PLEKHM1: variants seen among roughly 807,000 people sequenced by gnomAD.
PLEKHM1 encodes pleckstrin homology domain-containing family M member 1.
PLEKHM1 carries 28 observed loss-of-function variants against 94.3 expected under a neutral mutation model. The observed-to-expected ratio is 0.30, with a 90% confidence interval of 0.22 to 0.41. PLEKHM1 has a LOEUF of 0.41. Ranked by LOEUF, PLEKHM1 falls within the 10% of genes least tolerant of loss-of-function variation. The probability of loss-of-function intolerance (pLI) is 1.00; values close to 1 mark genes in which losing one functional copy is unlikely to be tolerated. For synonymous variants in PLEKHM1, 424 were observed against 581.2 expected, an observed-to-expected ratio of 0.73 and a Z score of 3.89; for missense variants, 907 against 1,358.6, an observed-to-expected ratio of 0.67 and a Z score of 5.22.
chr17:45,442,023 C>G (rs1439856452), intron 9 of PLEKHM1, among the ~76,000 whole-genome samples: 1 of 152,178 alleles, frequency 6.6e-6, no homozygotes, highest in East Asian at 1.9e-4. Context: ...CTCCTGAGCC[C>G]TGGCTCCTCC....
chr17:45,441,318 G>A (rs1415841491), intron 9 of PLEKHM1, among the ~76,000 whole-genome samples: 1 of 152,196 alleles, frequency 6.6e-6, no homozygotes, highest in Non-Finnish European at 1.5e-5. Flanking sequence ...TGTCCCAGCT[G>A]GTGGCTCAGC....
At chr17:45,460,290 C>T (rs1018768937) in intron 5 of PLEKHM1, 4 of 152,192 alleles carry the variant, frequency 2.6e-5, no homozygotes, top group African/African-American at 7.2e-5. Flanking sequence ...GACAGAACCT[C>T]ACTCTGTCAC....
chr17:45,480,076 G>A (rs999659319), intron 2 of PLEKHM1, among the ~76,000 whole-genome samples: 4 of 151,992 alleles, frequency 2.6e-5, no homozygotes, highest in Non-Finnish European at 4.4e-5. Flanking sequence ...AAAATATAAC[G>A]GTTTTAATGA....
intron 8 of PLEKHM1, among the ~76,000 whole-genome samples, chr17:45,450,187 A>G (rs1238516636): frequency 6.7e-6 from 1 of 149,516 alleles, no homozygotes; most frequent in African/African-American, 2.5e-5. Flanking sequence ...CTAACCATCC[A>G]CCTAGCCACC....
intron 1 of PLEKHM1, among the ~76,000 whole-genome samples, chr17:45,485,953 A>C (rs1237221520): frequency 1.3e-5 from 2 of 151,676 alleles, no homozygotes; most frequent in Non-Finnish European, 2.9e-5. Flanking sequence ...GCCGTGGCTC[A>C]CGCCTGTAAT....
chr17:45,458,093 C>T (rs923494931), intron 6 of PLEKHM1, 76 bp downstream of exon 6: 79 of 1,240,710 alleles, frequency 6.4e-5, no homozygotes, highest in Middle Eastern at 2.0e-4. Flanking sequence ...CAATGGAAAA[C>T]AGAACTTCAC....
At position 45,458,969 on chromosome 17, in the gene PLEKHM1, C is replaced by T. The variant is rs1308797853; in HGVS notation, c.1309-530G>A. 2.6e-5 allele frequency among the ~76,000 whole-genome samples: 4 copies of T among 151,576 alleles called. No homozygotes were observed. In the East Asian group the frequency reaches 5.9e-4, roughly 22 times the overall value. On this transcript the variant is annotated intron_variant, in intron 5 of 11. Coordinates refer to ENST00000430334, the MANE Select transcript of PLEKHM1 (RefSeq NM_014798.3). ...GCAACACAGTGAGAACCCATCTCTA[C>T]AAAAAATAACTAGCTGGGTGTGATG...
At chr17:45,487,773 C>T in intron 1 of PLEKHM1, 1 of 456,088 alleles carries the variant, frequency 2.2e-6, no homozygotes, top group South Asian at 1.5e-5. Context: ...TCTCAAAACA[C>T]TCCACCATCA....
intron 9 of PLEKHM1, among the ~76,000 whole-genome samples, chr17:45,441,654 G>T (rs1012367002): frequency 6.6e-6 from 1 of 152,186 alleles, no homozygotes; most frequent in Non-Finnish European, 1.5e-5. Context: ...GGACTTGGAA[G>T]TGGCTTCTCC....
chr17:45,475,981 C>G (rs2051717759), intron 3 of PLEKHM1: 1 of 567,590 alleles, frequency 1.8e-6, no homozygotes, highest in Non-Finnish European at 3.2e-6. Context: ...AACTCTGTCT[C>G]TACAACAACA....
chr17:45,487,796 C>T (rs1342713235), intron 1 of PLEKHM1: 1 of 456,084 alleles, frequency 2.2e-6, no homozygotes, highest in South Asian at 1.5e-5. Context: ...GAACAGCAAC[C>T]TCTTCTCTTG....
intron 5 of PLEKHM1, among the ~76,000 whole-genome samples, chr17:45,462,647 T>G (rs1597962700): frequency 1.3e-5 from 2 of 152,226 alleles, no homozygotes; most frequent in Admixed American, 1.3e-4. Context: ...TGGAATGGTT[T>G]TCTTGATATC....
At position 45,444,574 on chromosome 17, in the gene PLEKHM1, A is replaced by G. The variant is rs1171582819; in HGVS notation, c.2837+896T>C. 6.6e-6 allele frequency among the ~76,000 whole-genome samples: 1 copy of G among 152,124 alleles called. No individual in the cohort carries two copies. Among genetic ancestry groups the G allele is most frequent in the Non-Finnish European group, 1.5e-5 (1 of 68,002 alleles). On this transcript the variant is annotated intron_variant, in intron 9 of 11. Coordinates refer to ENST00000430334, the MANE Select transcript of PLEKHM1 (RefSeq NM_014798.3). This position sits in a 1 kb window ranked among gnomAD's most constrained non-coding sequence, Gnocchi z 5.0. ...GACGACTGGCTGGTACAGGGAAGAGATGGGAACATCTGGCCCTCACCTGCC... is the reference window on the plus strand; with the variant it reads ...GACGACTGGCTGGTACAGGGAAGAGGTGGGAACATCTGGCCCTCACCTGCC...
Position 45,458,312 on chromosome 17 carries a change from C to T in PLEKHM1, c.1436G>A (p.Arg479Lys). ...TTTTCTTGGTTCTTGAGAAAAATGC[C>T]TGTGGAGACCAGGCCTTGACCCTGG... ...GTPGSRPGLH[R>K]HFSQEPRKNC... Residue 479 changes from arginine (R) to lysine (K), a missense_variant, in exon 6 of 12, where the codon AGG (arginine) becomes AAG (lysine). Arg to Lys is a conservative substitution (Grantham distance 26). This residue lies in a region of PLEKHM1 where 477 missense variants were observed against 601.5 expected (regional missense o/e 0.79). Coordinates refer to ENST00000430334, the MANE Select transcript of PLEKHM1 (RefSeq NM_014798.3). The T allele has an allele frequency of 6.2e-7, 1 of 1,613,704 alleles. No homozygotes were observed. Among genetic ancestry groups the T allele is most frequent in the Non-Finnish European group, 8.5e-7 (1 of 1,179,740 alleles).
At chr17:45,464,512 G>A (rs2051259040) in intron 5 of PLEKHM1, among the ~76,000 whole-genome samples, 1 of 152,164 alleles carries the variant, frequency 6.6e-6, no homozygotes, top group Non-Finnish European at 1.5e-5. Flanking sequence ...GGCACAGCCT[G>A]GCACTGTCCA....
Position 45,440,330 on chromosome 17 carries a change from C to A in PLEKHM1, c.2838-104G>T, listed in dbSNP as rs141275095. On this transcript the variant is annotated intron_variant, in intron 9 of 11. Coordinates refer to ENST00000430334, the MANE Select transcript of PLEKHM1 (RefSeq NM_014798.3). ...TGGCGCTGCTCACCAGGCAGACACC[C>A]CCCGCCTGGGCGGGGCAGGGGCTAG... is the stretch of plus-strand genomic sequence containing the variant. 601 of 1,188,004 alleles carry A rather than the reference C, an allele frequency of 5.1e-4. 6 individuals are homozygous for A. The East Asian group carries it at 9.5e-3, about 19-fold the overall frequency. 73.6% of individuals were successfully genotyped at this position (1,188,004 alleles called of 1,614,324 possible).
chr17:45,435,404 C>CA (rs1284820498), downstream of PLEKHM1, among the ~76,000 whole-genome samples: 3 of 152,194 alleles, frequency 2.0e-5, no homozygotes, highest in Admixed American at 2.0e-4. Flanking sequence ...TGAGGAAGGT[C>CA]AGCAGCCAAG....
At chr17:45,464,247 C>T (rs192713304) in intron 5 of PLEKHM1, among the ~76,000 whole-genome samples, 1 of 152,328 alleles carries the variant, frequency 6.6e-6, no homozygotes, top group East Asian at 1.9e-4. Flanking sequence ...AATTTAATGT[C>T]TGTCCCCAAA....
At position 45,453,422 on chromosome 17, in the gene PLEKHM1, G is replaced by A; in HGVS notation, c.2430C>T (p.Phe810=). 2.5e-6 allele frequency: 4 copies of A among 1,613,684 alleles called. No homozygotes were observed. Among genetic ancestry groups the A allele is most frequent in the Non-Finnish European group, 3.4e-6 (4 of 1,179,772 alleles). The change falls in exon 7 of 12, where the codon TTC becomes TTT. Residue 810 remains phenylalanine, a synonymous_variant. Transcript: ENST00000430334. This position sits in a 1 kb window ranked among gnomAD's most constrained non-coding sequence, Gnocchi z 4.1. The part of the protein sequence containing the change: ...VLKFATRENG[F]LLQYLVAIPM... The stretch of plus-strand genomic sequence containing the variant: ...GGATAGCCACCAGGTACTGCAGCAG[G>A]AAGCCATTCTCCCGGGTGGCAAATT...
Sources: gnomAD v4.1 joint callset for allele counts (sites outside exome capture counted in the v4.1 genomes callset) on GRCh38, gnomAD v4.1.1 for gene constraint, gnomAD v4.1.1 regional missense constraint, Gnocchi (gnomAD v3.1) non-coding constraint, MANE v1.5 for transcripts, NCBI Gene and HGNC (gene_info 2026-07-23, HGNC 2026-07-21) for gene names.